Variants in NCK2 observed in about 807,000 individuals in gnomAD.
The protein encoded by NCK2 is cytoplasmic protein NCK2.
In NCK2, 16 loss-of-function variants were observed where a neutral mutation model predicts 33.9. That is an observed-to-expected ratio of 0.47 (90% confidence interval 0.32 to 0.72). NCK2 has a LOEUF of 0.72. Ranked by LOEUF, NCK2 falls within the 30% of genes least tolerant of loss-of-function variation. The probability of loss-of-function intolerance (pLI) is 0.03; values close to 1 mark genes in which losing one functional copy is unlikely to be tolerated. For missense variants in NCK2, 418 were observed against 537.3 expected (o/e 0.78, Z 2.19); for synonymous variants, 273 against 239.9 (o/e 1.14, Z -1.27).
chr2:105,887,275 A>AG (rs758622270), intron 4 of NCK2, among the ~76,000 whole-genome samples: 5 of 152,228 alleles, frequency 3.3e-5, no homozygotes, highest in African/African-American at 7.2e-5. Context: ...CACTTTTGGG[A>AG]GGTAAATGAA....
chr2:105,860,763 T>C (rs1425957264), intron 3 of NCK2, among the ~76,000 whole-genome samples: 1 of 151,404 alleles, frequency 6.6e-6, no homozygotes, highest in Non-Finnish European at 1.5e-5. Flanking sequence ...GGCGCTGTAA[T>C]GGAGATGGAG....
At chr2:105,770,740 T>C (rs371201340) in intron 1 of NCK2, among the ~76,000 whole-genome samples, 3 of 152,208 alleles carry the variant, frequency 2.0e-5, no homozygotes, top group African/African-American at 7.2e-5. Context: ...TTAAAGATCT[T>C]TAACAGGTCA....
Position 105,893,467 on chromosome 2 carries a change from A to T in NCK2, c.*291A>T. On this transcript the variant is annotated 3_prime_UTR_variant, in exon 5 of 5. Coordinates refer to ENST00000233154, the MANE Select transcript of NCK2 (RefSeq NM_003581.5). ...CATTCAACTCGTTCCCGCTCATGGA[A>T]CCCCTCTTTAAAAAGACGCAGGGCA... 6.2e-6 allele frequency: 2 copies of T among 323,574 alleles called. No individual in the cohort carries two copies. The highest frequency in any genetic ancestry group is 5.9e-6 in the Non-Finnish European group (1 of 168,972). The allele number at this position is 323,574 out of a possible 1,614,324, so 20.0% of individuals were successfully genotyped here.
rs568223034 is a variant in NCK2, at chr2:105,851,480, A to G, written c.-16-3568A>G. Among the ~76,000 whole-genome samples the G allele has an allele frequency of 1.3e-4, 20 of 152,144 alleles. No individual in the cohort carries two copies. In the South Asian group the frequency reaches 4.1e-3, roughly 32 times the overall value. ...CACCGTGTTAGCCAGGATGGTTTCC[A>G]TCTCCTGACCTCGTGAAGCGCCTGC... On this transcript the variant is annotated intron_variant, in intron 2 of 4. Coordinates refer to ENST00000233154, the MANE Select transcript of NCK2 (RefSeq NM_003581.5).
intron 2 of NCK2, among the ~76,000 whole-genome samples, chr2:105,849,705 A>G (rs1676989123): frequency 6.6e-6 from 1 of 152,140 alleles, no homozygotes; most frequent in South Asian, 2.1e-4. Flanking sequence ...CTGCTTGTTC[A>G]CTGGCTTGAA....
intron 1 of NCK2, among the ~76,000 whole-genome samples, chr2:105,773,522 G>C (rs2104385790): frequency 6.6e-6 from 1 of 152,252 alleles, no homozygotes; most frequent in Admixed American, 6.5e-5. Context: ...AGACCCCATG[G>C]TGTCTGGCAT....
At chr2:105,756,653 G>A (rs1322859372) in intron 1 of NCK2, among the ~76,000 whole-genome samples, 2 of 152,224 alleles carry the variant, frequency 1.3e-5, no homozygotes, top group African/African-American at 4.8e-5. Context: ...TGGTATGTGG[G>A]ATGGCCCAGC....
Position 105,808,730 on chromosome 2 carries a change from C to T in NCK2, c.-200-7700C>T, listed in dbSNP as rs575020338. ...TGTAATTTGTGGACATGACTTGGAT[C>T]CTGATTCAAGTAAATCAGCTACAGA... On this transcript the variant is annotated intron_variant, in intron 1 of 4. Transcript: ENST00000233154. Among the ~76,000 whole-genome samples the T allele has an allele frequency of 2.5e-3, 379 of 152,234 alleles. 1 individual carries two copies. Among genetic ancestry groups the T allele is most frequent in the African/African-American group, 8.8e-3 (367 of 41,540 alleles).
intron 4 of NCK2, among the ~76,000 whole-genome samples, chr2:105,886,629 T>C (rs1678731399): frequency 6.6e-6 from 1 of 152,232 alleles, no homozygotes; most frequent in Non-Finnish European, 1.5e-5. Context: ...CATACTGTTG[T>C]GTAATATGGT....
At chr2:105,866,411 A>C (rs1677763773) in intron 3 of NCK2, among the ~76,000 whole-genome samples, 1 of 151,752 alleles carries the variant, frequency 6.6e-6, no homozygotes, top group African/African-American at 2.4e-5. Flanking sequence ...AGTGCAGTTC[A>C]TCTGTAACAG....
At position 105,858,489 on chromosome 2, in the gene NCK2, G is replaced by A. The variant is rs148384972; in HGVS notation, c.226+3200G>A. Among the ~76,000 whole-genome samples, 1,013 of 152,232 alleles carry A rather than the reference G, an allele frequency of 6.7e-3. 5 individuals carry two copies. Among genetic ancestry groups the A allele is most frequent in the Middle Eastern group, 0.017 (5 of 294 alleles). Reference sequence around the variant, plus strand: ...ATCTTTAACTCCTGGGATCAATCTAGTAACTCATGGCACCACCCACATTTG... The same window carrying A: ...ATCTTTAACTCCTGGGATCAATCTAATAACTCATGGCACCACCCACATTTG... On this transcript the variant is annotated intron_variant, in intron 3 of 4. Coordinates refer to ENST00000233154, the MANE Select transcript of NCK2 (RefSeq NM_003581.5).
chr2:105,764,130 G>A (rs1430114134), intron 1 of NCK2, among the ~76,000 whole-genome samples: 5 of 152,260 alleles, frequency 3.3e-5, no homozygotes, highest in Non-Finnish European at 7.3e-5. Context: ...GCTTCGCTTT[G>A]CAGAGCTTTC....
chr2:105,887,195 G>T (rs1678755444), intron 4 of NCK2, among the ~76,000 whole-genome samples: 1 of 152,176 alleles, frequency 6.6e-6, no homozygotes, highest in Non-Finnish European at 1.5e-5. Flanking sequence ...CTGAAAGGCA[G>T]TTTTTCTGAG....
chr2:105,760,104 G>C lies in NCK2; in HGVS notation c.-201+14966G>C, dbSNP rs552994685. 6.6e-5 allele frequency among the ~76,000 whole-genome samples: 10 copies of C among 152,290 alleles called. No homozygotes were observed. The East Asian group carries it at 1.9e-3, about 29-fold the overall frequency. On this transcript the variant is annotated intron_variant, in intron 1 of 4. Coordinates refer to ENST00000233154, the MANE Select transcript of NCK2 (RefSeq NM_003581.5). Reference sequence around the variant, plus strand: ...TTGGAAGGAGGTCATTTAAGGAAGAGGGAGTTCAGCTGTACCTCCTGTAGG... The same window carrying C: ...TTGGAAGGAGGTCATTTAAGGAAGACGGAGTTCAGCTGTACCTCCTGTAGG...
Position 105,881,993 on chromosome 2 carries a change from G to C in NCK2, c.892G>C (p.Ala298Pro). The change falls in exon 4 of 5, where the codon GCC (alanine) becomes CCC (proline). Residue 298 changes from alanine (A) to proline (P), a missense_variant. Transcript: ENST00000233154. ...GNVTRHQAEC[A>P]LNERGVEGDF... The stretch of plus-strand genomic sequence containing the variant: ...CGTGACGCGGCACCAGGCCGAGTGC[G>C]CCCTCAACGAGCGGGGCGTGGAGGG... The C allele has an allele frequency of 6.6e-7, 1 of 1,510,806 alleles. No homozygotes were observed. Among genetic ancestry groups the C allele is most frequent in the Non-Finnish European group, 8.9e-7 (1 of 1,129,524 alleles). 93.6% of individuals were successfully genotyped at this position (1,510,806 alleles called of 1,614,324 possible). A position where few individuals can be genotyped will look rare whatever the true frequency, so the allele number is the denominator to read the frequency against.
rs142362991 is a variant in NCK2 at position 105,855,135 on chromosome 2, G to A, written c.72G>A (p.Lys24=). Residue 24 remains lysine, a synonymous_variant, in exon 3 of 5, where the codon AAG becomes AAA. Coordinates refer to ENST00000233154, the MANE Select transcript of NCK2 (RefSeq NM_003581.5). ...AGCAGGACCAGGAGCTGGACATCAA[G>A]AAGAACGAGCGGCTGTGGTTGCTGG... The part of the protein sequence containing the change: ...TAQQDQELDI[K]KNERLWLLDD... 1.1e-5 allele frequency: 17 copies of A among 1,614,216 alleles called. No homozygotes were observed. The African/African-American group carries it at 2.3e-4, about 22-fold the overall frequency.
intron 2 of NCK2, among the ~76,000 whole-genome samples, chr2:105,835,382 T>TATAC (rs1450513811): frequency 1.5e-5 from 1 of 68,650 alleles, no homozygotes; most frequent in Non-Finnish European, 2.9e-5. Context: ...TATACATATA[T>TATAC]ATACACATAT....
chr2:105,847,121 A>C (rs983963707), intron 2 of NCK2: 3 of 152,224 alleles, frequency 2.0e-5, no homozygotes, highest in African/African-American at 7.2e-5. Context: ...ATTCGCAGGG[A>C]CAGAAAGTAA....
chr2:105,891,609 C>T (rs1352877801), intron 4 of NCK2, among the ~76,000 whole-genome samples: 4 of 124,692 alleles, frequency 3.2e-5, no homozygotes, highest in African/African-American at 6.4e-5. Flanking sequence ...AGTGCAGTGG[C>T]GTGATCTCAG....
Sources: allele counts gnomAD v4.1 joint callset (sites outside exome capture counted in the v4.1 genomes callset), GRCh38; gene constraint gnomAD v4.1.1; transcripts MANE v1.5; gene names NCBI Gene and HGNC (gene_info 2026-07-23, HGNC 2026-07-21).